MAGI2: variants seen among roughly 807,000 people sequenced by gnomAD.
MAGI2 encodes membrane associated guanylate kinase, WW and PDZ domain containing 2.
In MAGI2, 35 loss-of-function variants were observed where a neutral mutation model predicts 133.3. The observed-to-expected ratio is 0.26, with a 90% CI of 0.20 to 0.35. MAGI2 has a LOEUF of 0.35. MAGI2 is among the 10% of genes least tolerant of loss of function. The pLI is 1.00. For missense variants in MAGI2, 1,636 were observed against 1,863.4 expected, an observed-to-expected ratio of 0.88 and a Z score of 2.25; for synonymous variants, 729 against 710.6, an observed-to-expected ratio of 1.03 and a Z score of -0.41.
intron 20 of MAGI2, among the ~76,000 whole-genome samples, chr7:78,084,742 T>A (rs1816431199): frequency 1.3e-5 from 2 of 152,204 alleles, no homozygotes; most frequent in African/African-American, 4.8e-5. Flanking sequence ...AATTAGGGTC[T>A]TTGCTGCTGC....
At chr7:78,074,225 T>G (rs3807754) in intron 21 of MAGI2, among the ~76,000 whole-genome samples, 7,252 of 152,202 alleles carry the variant, frequency 0.048, 273 homozygotes, top group East Asian at 0.17. Flanking sequence ...GTTTACTCCT[T>G]CCCCCAGCTC....
chr7:78,584,288 C>A (rs970930988), intron 3 of MAGI2, among the ~76,000 whole-genome samples: 1 of 151,902 alleles, frequency 6.6e-6, no homozygotes, highest in Non-Finnish European at 1.5e-5. Flanking sequence ...GGCATGGTGG[C>A]AGTCGCCTGT....
intron 2 of MAGI2, among the ~76,000 whole-genome samples, chr7:78,714,187 G>A (rs372752576): frequency 6.6e-6 from 1 of 152,102 alleles, no homozygotes; most frequent in East Asian, 1.9e-4. Flanking sequence ...ATACATAAAT[G>A]AACACAAAGT....
intron 2 of MAGI2, among the ~76,000 whole-genome samples, chr7:78,687,291 T>A (rs453795): frequency 0.79 from 119,556 of 152,156 alleles, 47,322 homozygotes; most frequent in East Asian, 0.97. Flanking sequence ...CCCTCCTTTA[T>A]TTCATGTGTC....
At chr7:79,331,189 C>G (rs530748208) in intron 1 of MAGI2, among the ~76,000 whole-genome samples, 2 of 152,192 alleles carry the variant, frequency 1.3e-5, no homozygotes, top group South Asian at 4.2e-4. Context: ...GCAGAGAAAA[C>G]ACAGAATTAC....
intron 2 of MAGI2, among the ~76,000 whole-genome samples, chr7:78,937,622 G>A: frequency 6.6e-6 from 1 of 152,084 alleles, no homozygotes; most frequent in East Asian, 1.9e-4. Flanking sequence ...AGAGATCAAT[G>A]CAACGATACT....
chr7:78,093,753 C>A (rs947320143), intron 20 of MAGI2, among the ~76,000 whole-genome samples: 1 of 152,098 alleles, frequency 6.6e-6, no homozygotes, highest in Non-Finnish European at 1.5e-5. Flanking sequence ...ACTTATGCCA[C>A]GAGATACATG....
rs544103512 is a variant in MAGI2 at position 79,264,666 on chromosome 7, A to G, written c.301+188354T>C. Among the ~76,000 whole-genome samples, 63 of 152,216 alleles carry G rather than the reference A, an allele frequency of 4.1e-4. 1 individual carries two copies. Among genetic ancestry groups the G allele is most frequent in the African/African-American group, 1.4e-3 (58 of 41,520 alleles). On this transcript the variant is annotated intron_variant, in intron 1 of 21. Transcript: ENST00000354212. ...TTTTAGTCTGTTTTCTGTTGCTATA[A>G]AGGAATTCCTGAGAGTGGGTGATTT...
rs142701443 is a variant in MAGI2 at position 78,682,500 on chromosome 7, G to A, written c.419-55261C>T. On this transcript the variant is annotated intron_variant, in intron 2 of 21. Transcript: ENST00000354212. ...TTTGTTTCCTGTTCCTGTGTTTGCT[G>A]AGAATTATGGTTTCCAGCTTCATCC... Among the ~76,000 whole-genome samples, 258 of 152,210 alleles carry A rather than the reference G, an allele frequency of 1.7e-3. 4 individuals carry two copies. Among genetic ancestry groups the A allele is most frequent in the Admixed American group, 0.014 (218 of 15,266 alleles).
At position 78,599,789 on chromosome 7, in the gene MAGI2, G is replaced by A. The variant is rs904134144; in HGVS notation, c.538+27331C>T. Among the ~76,000 whole-genome samples, 6 of 152,130 alleles carry A rather than the reference G, an allele frequency of 3.9e-5. No homozygotes were observed. In the East Asian group the frequency reaches 9.6e-4, roughly 24 times the overall value. On this transcript the variant is annotated intron_variant, in intron 3 of 21. Transcript: ENST00000354212. ...CCTTCCCCAGCAAGGTACTAGGGAC[G>A]TGCCCAGAATGGTCAGGTTATCTAT...
intron 1 of MAGI2, among the ~76,000 whole-genome samples, chr7:79,247,484 G>A (rs1182627897): frequency 4.6e-5 from 7 of 151,968 alleles, no homozygotes; most frequent in Admixed American, 2.6e-4. Context: ...ATGGTGGCAC[G>A]TACCTGTGGT....
At chr7:78,970,297 CT>C (rs1177029354) in intron 2 of MAGI2, among the ~76,000 whole-genome samples, 8 of 152,032 alleles carry the variant, frequency 5.3e-5, no homozygotes, top group African/African-American at 1.9e-4. Context: ...CTACAACCCC[CT>C]GAAGGATAAT....
chr7:79,294,721 CTTTTTTTT>C (rs1161010284), intron 1 of MAGI2, among the ~76,000 whole-genome samples: 1 of 83,166 alleles, frequency 1.2e-5, no homozygotes, highest in Non-Finnish European at 2.1e-5. Context: ...ATTTTGGTAG[CTTTTTTTT>C]TTTTTTTTTT....
intron 1 of MAGI2, among the ~76,000 whole-genome samples, chr7:79,425,609 TGTATATATAC>T (rs1469163723): frequency 2.8e-5 from 4 of 143,654 alleles, no homozygotes; most frequent in Admixed American, 7.0e-5. Context: ...TGTATATATA[TGTATATATAC>T]GTTTTGATTA....
At chr7:79,147,206 C>T (rs931987641) in intron 1 of MAGI2, among the ~76,000 whole-genome samples, 3 of 152,058 alleles carry the variant, frequency 2.0e-5, no homozygotes, top group African/African-American at 7.2e-5. Flanking sequence ...ATGTGCAGCC[C>T]ATAGAAAAAA....
intron 1 of MAGI2, among the ~76,000 whole-genome samples, chr7:79,373,874 C>A (rs886379290): frequency 2.0e-5 from 3 of 151,966 alleles, no homozygotes; most frequent in African/African-American, 7.3e-5. Flanking sequence ...GTTTGTTGTG[C>A]TGTTAATTGT....
rs1052038688 is a variant in MAGI2 at position 79,036,163 on chromosome 7, A to G, written c.302-28957T>C. ...CTAAATTAAACTAAAGCCCACATGT[A>G]TAATCCCTCACAGTTTCCAAATAAC... is the stretch of plus-strand genomic sequence containing the variant. On this transcript the variant is annotated intron_variant, in intron 1 of 21. Coordinates refer to ENST00000354212, the MANE Select transcript of MAGI2 (RefSeq NM_012301.4). Among the ~76,000 whole-genome samples the G allele has an allele frequency of 2.0e-5, 3 of 152,236 alleles. No individual in the cohort carries two copies. In the East Asian group the frequency reaches 5.8e-4, roughly 29 times the overall value.
At chr7:78,774,328 A>C (rs536251439) in intron 2 of MAGI2, among the ~76,000 whole-genome samples, 1 of 152,244 alleles carries the variant, frequency 6.6e-6, no homozygotes, top group Non-Finnish European at 1.5e-5. Flanking sequence ...ACAGAATTCA[A>C]CTAGCTCAAG....
intron 7 of MAGI2, chr7:78,348,426 G>A (rs1424345776): frequency 1.3e-5 from 2 of 151,988 alleles, no homozygotes; most frequent in African/African-American, 4.8e-5. Context: ...TTTTTTTGAG[G>A]TACAGTTATT....
Sources: allele counts gnomAD v4.1 joint callset (sites outside exome capture counted in the v4.1 genomes callset), GRCh38; gene constraint gnomAD v4.1.1; transcripts MANE v1.5; gene names NCBI Gene and HGNC (gene_info 2026-07-23, HGNC 2026-07-21).